Variants in L3MBTL4 observed in about 807,000 individuals in gnomAD.
L3MBTL4 encodes the protein L3MBTL histone methyl-lysine binding protein 4.
A neutral mutation model predicts 84.5 loss-of-function variants in L3MBTL4; 70 were observed. The ratio of observed to expected loss-of-function variants is 0.83; its 90% confidence interval spans 0.68 to 1.01. The LOEUF (loss-of-function observed/expected upper bound fraction) is 1.01. L3MBTL4 is among the 50% of genes least tolerant of loss of function. L3MBTL4 has a pLI of 0.00. For synonymous variants in L3MBTL4, 274 were observed against 259.8 expected, an observed-to-expected ratio of 1.05 and a Z score of -0.52; for missense variants, 715 against 754.8, an observed-to-expected ratio of 0.95 and a Z score of 0.62.
At chr18:6,274,144 G>A (rs183299179) in intron 4 of L3MBTL4, among the ~76,000 whole-genome samples, 15 of 152,322 alleles carry the variant, frequency 9.8e-5, no homozygotes, top group Admixed American at 9.8e-4. Context: ...CATGTTACAT[G>A]CCTTAAAGAT....
chr18:6,041,902 G>T (rs577573563), intron 16 of L3MBTL4, among the ~76,000 whole-genome samples: 2,480 of 150,482 alleles, frequency 0.016, 72 homozygotes, highest in African/African-American at 0.058. Flanking sequence ...TTTTTTTTTT[G>T]GTATGGATGG....
chr18:5,959,319 G>A (rs753746115), intron 18 of L3MBTL4, among the ~76,000 whole-genome samples: 2 of 152,018 alleles, frequency 1.3e-5, no homozygotes, highest in Non-Finnish European at 2.9e-5. Flanking sequence ...CTTCTTCATC[G>A]GTAAGCTGCC....
At chr18:6,338,841 T>C (rs972496149) in intron 1 of L3MBTL4, among the ~76,000 whole-genome samples, 10 of 152,096 alleles carry the variant, frequency 6.6e-5, no homozygotes, top group Non-Finnish European at 4.4e-5. Context: ...TTTTAAAAGA[T>C]TGATAAAACT....
intron 18 of L3MBTL4, among the ~76,000 whole-genome samples, 168 bp downstream of exon 18, chr18:5,959,926 G>C (rs28758611): frequency 0.43 from 64,634 of 150,660 alleles, 14,228 homozygotes; most frequent in African/African-American, 0.51. Flanking sequence ...GATCTCCTTT[G>C]TCTTGCTGCC....
At chr18:6,032,479 G>C (rs901843705) in intron 16 of L3MBTL4, among the ~76,000 whole-genome samples, 2 of 151,678 alleles carry the variant, frequency 1.3e-5, no homozygotes, top group Admixed American at 1.3e-4. Context: ...GATTGTGGGG[G>C]CTGGTAATCA....
intron 16 of L3MBTL4, among the ~76,000 whole-genome samples, chr18:6,045,535 T>C (rs546706353): frequency 5.1e-4 from 78 of 152,246 alleles, no homozygotes; most frequent in African/African-American, 1.8e-3. Context: ...TCACATCTTA[T>C]GTGGATGGCA....
intron 4 of L3MBTL4, among the ~76,000 whole-genome samples, chr18:6,294,259 A>G (rs1026183547): frequency 6.6e-6 from 1 of 152,164 alleles, no homozygotes; most frequent in African/African-American, 2.4e-5. Context: ...AAAAAAGGAG[A>G]AGAAGATCAC....
chr18:6,368,895 A>T lies in L3MBTL4; in HGVS notation c.-91+45906T>A, dbSNP rs894391144. On this transcript the variant is annotated intron_variant, in intron 1 of 18. Transcript: ENST00000317931. ...CGTCTCTACTGAAAATTCAAAAATTAGTCGGGTGTGATGGCGCACACCTGT... is the reference window on the plus strand; with the variant it reads ...CGTCTCTACTGAAAATTCAAAAATTTGTCGGGTGTGATGGCGCACACCTGT... 2.0e-5 allele frequency among the ~76,000 whole-genome samples: 3 copies of T among 152,008 alleles called. No individual in the cohort carries two copies. The East Asian group carries it at 5.8e-4, about 29-fold the overall frequency.
At chr18:6,353,927 A>G (rs985429074) in intron 1 of L3MBTL4, among the ~76,000 whole-genome samples, 2 of 152,150 alleles carry the variant, frequency 1.3e-5, no homozygotes, top group African/African-American at 4.8e-5. Context: ...AAATAGAAAA[A>G]AGAATCCTAA....
chr18:5,969,008 C>T (rs959343844), intron 17 of L3MBTL4, among the ~76,000 whole-genome samples: 1 of 152,120 alleles, frequency 6.6e-6, no homozygotes, highest in Non-Finnish European at 1.5e-5. Context: ...GGCACCTTTC[C>T]CAGAGCACAC....
chr18:6,175,459 T>G (rs563602259), intron 12 of L3MBTL4, among the ~76,000 whole-genome samples: 1 of 152,172 alleles, frequency 6.6e-6, no homozygotes, highest in Non-Finnish European at 1.5e-5. Context: ...TGATGCTAAG[T>G]GATGCCAGAT....
chr18:6,312,727 C>T (rs547511095), intron 1 of L3MBTL4, among the ~76,000 whole-genome samples: 14 of 152,232 alleles, frequency 9.2e-5, no homozygotes, highest in Admixed American at 7.2e-4. Flanking sequence ...TATATCACAC[C>T]GTACATATTG....
chr18:6,108,257 CA>C (rs1266783264), intron 14 of L3MBTL4, among the ~76,000 whole-genome samples: 4 of 152,126 alleles, frequency 2.6e-5, no homozygotes, highest in Non-Finnish European at 4.4e-5. Flanking sequence ...TCACTGCAGC[CA>C]GGGGAAGACT....
intron 13 of L3MBTL4, among the ~76,000 whole-genome samples, chr18:6,166,972 C>T (rs1380419031): frequency 6.6e-6 from 1 of 151,954 alleles, no homozygotes; most frequent in African/African-American, 2.4e-5. Flanking sequence ...CAAATAGACG[C>T]AATAAAAAAT....
chr18:5,973,840 G>T (rs1277913113), intron 16 of L3MBTL4, among the ~76,000 whole-genome samples: 1 of 152,168 alleles, frequency 6.6e-6, no homozygotes, highest in East Asian at 1.9e-4. Context: ...ATGCTTCCCA[G>T]TTGCACGACC....
At chr18:6,193,277 A>G (rs1198713529) in intron 12 of L3MBTL4, among the ~76,000 whole-genome samples, 2 of 152,068 alleles carry the variant, frequency 1.3e-5, no homozygotes, top group African/African-American at 4.8e-5. Flanking sequence ...AGTGACCAGA[A>G]GCCAACAGCT....
chr18:6,194,004 A>C (rs2045257902), intron 12 of L3MBTL4, among the ~76,000 whole-genome samples: 2 of 152,326 alleles, frequency 1.3e-5, no homozygotes, highest in South Asian at 4.1e-4. Flanking sequence ...CGAAGAAGGA[A>C]GAAGTACACC....
intron 4 of L3MBTL4, among the ~76,000 whole-genome samples, chr18:6,271,660 C>T (rs1459851861): frequency 6.6e-6 from 1 of 152,180 alleles, no homozygotes; most frequent in Non-Finnish European, 1.5e-5. Context: ...GCTCTTCAAA[C>T]AGAGGCAGCC....
At chr18:6,174,851 A>G (rs549152198) in intron 12 of L3MBTL4, among the ~76,000 whole-genome samples, 3 of 148,932 alleles carry the variant, frequency 2.0e-5, no homozygotes, top group Admixed American at 2.0e-4. Context: ...TGGGTGACAG[A>G]GCGAAACTCT....
Sources: allele counts gnomAD v4.1 joint callset (sites outside exome capture counted in the v4.1 genomes callset), GRCh38; gene constraint gnomAD v4.1.1; transcripts MANE v1.5; gene names NCBI Gene and HGNC (gene_info 2026-07-23, HGNC 2026-07-21).